The following DCT variants were observed in gnomAD, a reference collection of about 807,000 sequenced individuals.
DCT encodes the protein L-dopachrome tautomerase.
DCT carries 47 observed loss-of-function variants against 53.0 expected under a neutral mutation model. The ratio of observed to expected loss-of-function variants is 0.89; its 90% CI spans 0.70 to 1.13. The LOEUF (loss-of-function observed/expected upper bound fraction) is 1.13, where lower values mean the gene tolerates loss of function less well. Among genes scored for constraint, DCT ranks in the 50% most tolerant of loss-of-function variants. The pLI is 0.00. For synonymous variants in DCT, 244 were observed against 237.0 expected, an observed-to-expected ratio of 1.03 and a Z score of -0.27; for missense variants, 669 against 637.4, an observed-to-expected ratio of 1.05 and a Z score of -0.53.
At chr13:94,515,048 G>A in the DCT span, among the ~76,000 whole-genome samples, 1 of 152,176 alleles carries the variant, frequency 6.6e-6, no homozygotes, top group East Asian at 1.9e-4. Flanking sequence ...AGAGACTGCA[G>A]AAAAATCTCT....
the DCT span, among the ~76,000 whole-genome samples, chr13:94,538,616 T>C: frequency 6.6e-6 from 1 of 152,220 alleles, no homozygotes; most frequent in Non-Finnish European, 1.5e-5. Context: ...GTATAAACCA[T>C]AGACCGTTGT....
chr13:94,482,886 T>TC (rs1414398118), upstream of DCT, among the ~76,000 whole-genome samples: 1 of 151,966 alleles, frequency 6.6e-6, no homozygotes, highest in Non-Finnish European at 1.5e-5. Context: ...ACCCATGAAC[T>TC]CCCCCCTCAG....
chr13:94,532,747 G>T, the DCT span, among the ~76,000 whole-genome samples: 1 of 152,054 alleles, frequency 6.6e-6, no homozygotes, highest in Non-Finnish European at 1.5e-5. Flanking sequence ...TAACAAACCT[G>T]CACGCTGTGC....
At chr13:94,528,146 A>T in the DCT span, among the ~76,000 whole-genome samples, 2 of 152,316 alleles carry the variant, frequency 1.3e-5, no homozygotes, top group Non-Finnish European at 2.9e-5. Flanking sequence ...ATGTGAAAAG[A>T]CCAAATCTGC....
In DCT at chr13:94,449,379, C is replaced by G. The variant is rs148440557; in HGVS notation, c.1180-5742G>C. On this transcript the variant is annotated intron_variant, in intron 6 of 7. Transcript: ENST00000377028. Reference sequence around the variant, plus strand: ...AAGTTTCTGCATCTAGAGAAAGAACCATGGAAATATGAGGCCGGCTGCAAA... The same window carrying G: ...AAGTTTCTGCATCTAGAGAAAGAACGATGGAAATATGAGGCCGGCTGCAAA... 1.9e-3 allele frequency among the ~76,000 whole-genome samples: 296 copies of G among 152,250 alleles called. 1 individual carries two copies. The highest frequency in any genetic ancestry group is 6.9e-3 in the African/African-American group (287 of 41,558).
the DCT span, among the ~76,000 whole-genome samples, chr13:94,505,519 T>A: frequency 6.0e-3 from 909 of 152,272 alleles, 5 homozygotes; most frequent in Non-Finnish European, 9.5e-3. Flanking sequence ...GTACCTAGCT[T>A]GAGAATGTAA....
the DCT span, among the ~76,000 whole-genome samples, chr13:94,542,331 G>A: frequency 6.6e-6 from 1 of 152,128 alleles, no homozygotes; most frequent in East Asian, 1.9e-4. Context: ...TGGGACTACA[G>A]GTGCACACCA....
intron 6 of DCT, among the ~76,000 whole-genome samples, chr13:94,458,422 T>C (rs1883546165): frequency 6.6e-6 from 1 of 152,150 alleles, no homozygotes; most frequent in Non-Finnish European, 1.5e-5. Flanking sequence ...CTGAAGAGCA[T>C]TGACTAGGGT....
intron 6 of DCT, among the ~76,000 whole-genome samples, chr13:94,456,500 A>C (rs1883422330): frequency 6.6e-6 from 1 of 152,194 alleles, no homozygotes; most frequent in Non-Finnish European, 1.5e-5. Context: ...TCTGCTTTGG[A>C]GAACAAGATA....
chr13:94,505,630 A>T, the DCT span, among the ~76,000 whole-genome samples: 1 of 152,226 alleles, frequency 6.6e-6, no homozygotes, highest in African/African-American at 2.4e-5. Context: ...CTACATAATC[A>T]GAGTTGAAAG....
intron 6 of DCT, among the ~76,000 whole-genome samples, chr13:94,449,520 T>C (rs1394807351): frequency 6.6e-6 from 1 of 152,210 alleles, no homozygotes; most frequent in Non-Finnish European, 1.5e-5. Context: ...GGTGACATGC[T>C]ATTGCTCTGG....
At chr13:94,530,976 A>G in the DCT span, among the ~76,000 whole-genome samples, 1 of 152,238 alleles carries the variant, frequency 6.6e-6, no homozygotes, top group Non-Finnish European at 1.5e-5. Flanking sequence ...AAAAATCACA[A>G]GCTTTCCTAT....
the DCT span, among the ~76,000 whole-genome samples, chr13:94,496,301 C>A: frequency 3.3e-5 from 5 of 152,142 alleles, no homozygotes; most frequent in Admixed American, 3.3e-4. Flanking sequence ...TGAAGGGATT[C>A]TCCTGCCTCA....
chr13:94,495,093 T>G, the DCT span, among the ~76,000 whole-genome samples: 1 of 152,190 alleles, frequency 6.6e-6, no homozygotes, highest in African/African-American at 2.4e-5. Flanking sequence ...ACTACATGCT[T>G]ATTTATATTT....
chr13:94,515,457 G>C, the DCT span, among the ~76,000 whole-genome samples: 1 of 152,186 alleles, frequency 6.6e-6, no homozygotes, highest in African/African-American at 2.4e-5. Flanking sequence ...GTGAGGAACA[G>C]GAGAAGTAAA....
At chr13:94,514,071 C>A in the DCT span, among the ~76,000 whole-genome samples, 1 of 149,776 alleles carries the variant, frequency 6.7e-6, no homozygotes, top group Non-Finnish European at 1.5e-5. Context: ...GGCGACGGGG[C>A]AACCAGAACC....
chr13:94,453,614 T>C (rs963312875), intron 6 of DCT, among the ~76,000 whole-genome samples: 1 of 152,206 alleles, frequency 6.6e-6, no homozygotes, highest in African/African-American at 2.4e-5. Flanking sequence ...TCATCTTGAA[T>C]TGTAGCTCCC....
chr13:94,464,069 G>C (rs1883994925), intron 4 of DCT, among the ~76,000 whole-genome samples: 1 of 152,234 alleles, frequency 6.6e-6, no homozygotes, highest in African/African-American at 2.4e-5. Context: ...ACTATTCCAA[G>C]GTATGGTGGG....
intron 6 of DCT, among the ~76,000 whole-genome samples, chr13:94,449,290 T>C (rs1457327995): frequency 6.6e-6 from 1 of 152,238 alleles, no homozygotes; most frequent in East Asian, 1.9e-4. Flanking sequence ...ATAAAGTTAC[T>C]ATCAAAGGGC....
Sources: gnomAD v4.1 joint callset for allele counts (sites outside exome capture counted in the v4.1 genomes callset) on GRCh38, gnomAD v4.1.1 for gene constraint, MANE v1.5 for transcripts, NCBI Gene and HGNC (gene_info 2026-07-23, HGNC 2026-07-21) for gene names.